FCSK: variants seen among roughly 807,000 people sequenced by gnomAD.
FCSK encodes the protein fucose kinase, also known as L-fucose kinase.
In FCSK, 123 loss-of-function variants were observed where a neutral mutation model predicts 122.5. That is an observed-to-expected ratio of 1.00 (90% CI 0.87 to 1.17). The LOEUF (loss-of-function observed/expected upper bound fraction) is 1.17, where lower values mean the gene tolerates loss of function less well. FCSK is among the 50% of genes most tolerant of loss of function. The pLI, the probability that FCSK is intolerant of heterozygous loss-of-function variation, is 0.00. For missense variants in FCSK, 1,366 were observed against 1,450.4 expected (o/e 0.94, Z 0.95); for synonymous variants, 620 against 625.5 (o/e 0.99, Z 0.13).
At chr16:70,467,231 G>A (rs1333764389) in intron 6 of FCSK, 143 bp from the exon 7 acceptor site, 10 of 642,484 alleles carry the variant, frequency 1.6e-5, no homozygotes, top group Admixed American at 2.8e-5. Context: ...TCTCCCAGGC[G>A]AATGTCCATT....
chr16:70,475,139 G>T lies in FCSK; in HGVS notation c.2377+128G>T. The T allele has an allele frequency of 4.9e-6, 5 of 1,024,376 alleles. 1 individual carries two copies. In the South Asian group the frequency reaches 8.1e-5, roughly 17 times the overall value. The allele number at this position is 1,024,376 out of a possible 1,614,324, so 63.5% of individuals were successfully genotyped here. A position where few individuals can be genotyped will look rare whatever the true frequency, so the allele number is the denominator to read the frequency against. On this transcript the variant is annotated intron_variant, in intron 18 of 23. Transcript: ENST00000288078. ...GTCTGGCTGAGGAGCCTGAAGGGAA[G>T]GAAGGGGCTGGGAGTCAACCTGCAA...
intron 22 of FCSK, 64 bp downstream of exon 22, chr16:70,478,714 G>A: frequency 7.3e-7 from 1 of 1,375,444 alleles, no homozygotes; most frequent in Non-Finnish European, 1.0e-6. Context: ...TTGTGGGTTT[G>A]AGGCCAGGGT....
chr16:70,473,469 G>C lies in FCSK; in HGVS notation c.1777+116G>C. The C allele has an allele frequency of 8.0e-7, 1 of 1,249,310 alleles. No individual in the cohort carries two copies. The highest frequency in any genetic ancestry group is 1.1e-6 in the Non-Finnish European group (1 of 937,434). The allele number at this position is 1,249,310 out of a possible 1,614,324, so 77.4% of individuals were successfully genotyped here. A position where few individuals can be genotyped will look rare whatever the true frequency, so the allele number is the denominator to read the frequency against. On this transcript the variant is annotated intron_variant, in intron 15 of 23. Transcript: ENST00000288078. This position sits in a 1 kb window ranked among gnomAD's most constrained non-coding sequence, Gnocchi z 4.9. ...CCATGAGGTGCTCAAGCAGGGAAGG[G>C]GCATGCTGGAGTTTACTTTTAGGAT...
intron 21 of FCSK, 37 bp from the exon 22 acceptor site, chr16:70,478,514 T>C (rs1410163485): frequency 1.2e-6 from 2 of 1,613,360 alleles, no homozygotes; most frequent in African/African-American, 2.7e-5. Flanking sequence ...CAGCTGGGCC[T>C]GGGTCCTCAC....
intron 14 of FCSK, 28 bp from the exon 15 acceptor site, chr16:70,472,955 C>T: frequency 6.3e-7 from 1 of 1,581,606 alleles, no homozygotes; most frequent in Non-Finnish European, 8.6e-7. Flanking sequence ...TGCTTCCCTC[C>T]TGGGAATGTG....
At chr16:70,478,203 G>A (rs559810305) in intron 20 of FCSK, 69 bp from the exon 21 acceptor site, 10 of 1,527,884 alleles carry the variant, frequency 6.5e-6, no homozygotes, top group East Asian at 4.5e-5. Context: ...GTGCAGGGCC[G>A]GGAGCCTAGG....
chr16:70,462,095 A>G (rs1194417797), intron 1 of FCSK: 1 of 152,222 alleles, frequency 6.6e-6, no homozygotes, highest in Non-Finnish European at 1.5e-5. Context: ...CAGAGGCATC[A>G]TGTTGGATGA....
intron 1 of FCSK, among the ~76,000 whole-genome samples, chr16:70,457,531 G>A (rs548341547): frequency 2.6e-5 from 4 of 151,920 alleles, no homozygotes; most frequent in Non-Finnish European, 4.4e-5. Flanking sequence ...CTGGGATTCC[G>A]GATGTGAGCT....
rs539965727 is a variant in FCSK at position 70,470,184 on chromosome 16, G to T, written c.956-130G>T. The T allele has an allele frequency of 1.5e-5, 10 of 676,922 alleles. No individual in the cohort carries two copies. The East Asian group carries it at 1.8e-4, about 12-fold the overall frequency. The allele number at this position is 676,922 out of a possible 1,614,324, so 41.9% of individuals were successfully genotyped here. A position where few individuals can be genotyped will look rare whatever the true frequency, so the allele number is the denominator to read the frequency against. ...AGCTGTGTTGTGTGGCTTTGGGCAG[G>T]TTCCTGACTCAGCTTCCCCTAACAG... is the stretch of plus-strand genomic sequence containing the variant. On this transcript the variant is annotated intron_variant, in intron 10 of 23. Transcript: ENST00000288078.
chr16:70,474,106 A>G, intron 15 of FCSK, 23 bp from the exon 16 acceptor site: 2 of 1,546,708 alleles, frequency 1.3e-6, no homozygotes, highest in Non-Finnish European at 8.7e-7. Context: ...CTCCCCTGCC[A>G]CCCCCAACTC....
In FCSK at chr16:70,467,423, G is replaced by A. The variant is rs1439594731; in HGVS notation, c.534G>A (p.Gly178=). The A allele has an allele frequency of 6.2e-7, 1 of 1,610,990 alleles. No individual in the cohort carries two copies. Among genetic ancestry groups the A allele is most frequent in the Non-Finnish European group, 8.5e-7 (1 of 1,178,974 alleles). ...GAGCCAGAGTGATCGCCCTCCCAGG[G>A]AGCCCGGCCTACGCTCAGAATCATG... ...FRGARVIALP[G]SPAYAQNHGV... The change falls in exon 7 of 24, where the codon GGG becomes GGA. Residue 178 remains glycine, a synonymous_variant. Coordinates refer to ENST00000288078, the MANE Select transcript of FCSK (RefSeq NM_145059.3).
intron 8 of FCSK, 69 bp from the exon 9 acceptor site, chr16:70,468,780 C>T: frequency 1.3e-6 from 2 of 1,591,624 alleles, no homozygotes; most frequent in South Asian, 2.2e-5. Flanking sequence ...TCTGCATGTG[C>T]CCTCCCTGAC....
chr16:70,479,750 A>G lies in FCSK; in HGVS notation c.*70A>G. On this transcript the variant is annotated 3_prime_UTR_variant, in exon 24 of 24. Transcript: ENST00000288078. ...TCCCCCACCTTCCTTGCCCCATGGG[A>G]ACCTCCACCTCCTACTCCCCACCCA... The G allele has an allele frequency of 8.2e-7, 1 of 1,219,816 alleles. No homozygotes were observed. The highest frequency in any genetic ancestry group is 1.2e-6 in the Non-Finnish European group (1 of 848,108). The allele number at this position is 1,219,816 out of a possible 1,614,324, so 75.6% of individuals were successfully genotyped here. A position where few individuals can be genotyped will look rare whatever the true frequency, so the allele number is the denominator to read the frequency against.
At chr16:70,461,907 C>A (rs921256792) in intron 1 of FCSK, among the ~76,000 whole-genome samples, 1 of 152,188 alleles carries the variant, frequency 6.6e-6, no homozygotes, top group African/African-American at 2.4e-5. Flanking sequence ...TCTGTTCACA[C>A]GAACCTATCT....
chr16:70,459,603 C>T (rs891598663), intron 1 of FCSK, among the ~76,000 whole-genome samples: 2 of 151,390 alleles, frequency 1.3e-5, no homozygotes, highest in African/African-American at 2.4e-5. Context: ...CTTCACTCTG[C>T]CACTTGCTAG....
chr16:70,465,400 G>A (rs1030214356), intron 4 of FCSK, among the ~76,000 whole-genome samples: 4 of 152,168 alleles, frequency 2.6e-5, no homozygotes, highest in Non-Finnish European at 4.4e-5. Flanking sequence ...GCTCATGCCT[G>A]TAAATCTCAG....
At chr16:70,465,088 C>T in intron 3 of FCSK, 38 bp from the exon 4 acceptor site, 1 of 1,611,964 alleles carries the variant, frequency 6.2e-7, no homozygotes, top group Non-Finnish European at 8.5e-7. Context: ...GGGCGTCTGC[C>T]TGAGGCCTCT....
chr16:70,470,889 C>T, intron 11 of FCSK, 82 bp from the exon 12 acceptor site: 1 of 1,268,644 alleles, frequency 7.9e-7, no homozygotes, highest in Non-Finnish European at 1.1e-6. Context: ...GACGCTTTGC[C>T]CCTGGATGCT....
chr16:70,462,010 C>T (rs945414873), intron 1 of FCSK, among the ~76,000 whole-genome samples: 3 of 152,166 alleles, frequency 2.0e-5, no homozygotes, highest in Admixed American at 6.5e-5. Flanking sequence ...AGATGCGGCC[C>T]ATCCATGCGA....
Sources: gnomAD v4.1 joint callset for allele counts (sites outside exome capture counted in the v4.1 genomes callset) on GRCh38, gnomAD v4.1.1 for gene constraint, Gnocchi (gnomAD v3.1) non-coding constraint, MANE v1.5 for transcripts, NCBI Gene and HGNC (gene_info 2026-07-23, HGNC 2026-07-21) for gene names.